SLC4A3: variants seen among roughly 807,000 people sequenced by gnomAD.
The protein encoded by SLC4A3 is solute carrier family 4 member 3.
A neutral mutation model predicts 114.2 loss-of-function variants in SLC4A3; 47 were observed. The observed-to-expected ratio is 0.41, with a 90% CI of 0.33 to 0.52. The LOEUF (loss-of-function observed/expected upper bound fraction) is 0.52, where lower values mean the gene tolerates loss of function less well. Among genes scored for constraint, SLC4A3 ranks in the 20% least tolerant of loss-of-function variants. The pLI, the probability that SLC4A3 is intolerant of heterozygous loss-of-function variation, is 0.21. For synonymous variants in SLC4A3, 693 were observed against 710.3 expected (o/e 0.98, Z 0.39); for missense variants, 1,312 against 1,668.3 (o/e 0.79, Z 3.72).
At position 219,631,812 on chromosome 2, in the gene SLC4A3, A is replaced by G. The variant is rs1304772604; in HGVS notation, c.812-156A>G. On this transcript the variant is annotated intron_variant, in intron 6 of 22. Transcript: ENST00000358055. The surrounding 1 kb of genome is among the most constrained non-coding windows in gnomAD (Gnocchi z 6.3). ...TTTCTGAGCTTCAGTCTTCTTATCA[A>G]TGAAATGGCCACATGGGATTATGTG... Among the ~76,000 whole-genome samples the G allele has an allele frequency of 6.6e-6, 1 of 151,948 alleles. No homozygotes were observed. The highest frequency in any genetic ancestry group is 1.5e-5 in the Non-Finnish European group (1 of 67,966).
intron 8 of SLC4A3, among the ~76,000 whole-genome samples, 164 bp from the exon 9 acceptor site, chr2:219,632,710 C>T (rs1299011453): frequency 1.3e-5 from 2 of 152,204 alleles, no homozygotes; most frequent in Non-Finnish European, 2.9e-5. Context: ...CACGGCCCCT[C>T]TCTGACTGGC....
Position 219,631,403 on chromosome 2 carries a change from C to T in SLC4A3, c.812-565C>T, listed in dbSNP as rs1463179168. On this transcript the variant is annotated intron_variant, in intron 6 of 22. Transcript: ENST00000358055. This position sits in a 1 kb window ranked among gnomAD's most constrained non-coding sequence, Gnocchi z 6.3. Reference sequence around the variant, plus strand: ...TTGTGCTGGACTTTGAGGATGGTGACCTGTGGGAGTCCATCAGGGGCCAGC... The same window carrying T: ...TTGTGCTGGACTTTGAGGATGGTGATCTGTGGGAGTCCATCAGGGGCCAGC... 4.6e-6 allele frequency: 6 copies of T among 1,304,270 alleles called. No individual in the cohort carries two copies. In the South Asian group the frequency reaches 7.4e-5, roughly 16 times the overall value. The allele number at this position is 1,304,270 out of a possible 1,614,324, so 80.8% of individuals were successfully genotyped here. A position where few individuals can be genotyped will look rare whatever the true frequency, so the allele number is the denominator to read the frequency against.
Position 219,641,031 on chromosome 2 carries a change from C to A in SLC4A3, c.3621+69C>A. 1 of 1,432,560 alleles carries A rather than the reference C, an allele frequency of 7.0e-7. No individual in the cohort carries two copies. The highest frequency in any genetic ancestry group is 9.5e-7 in the Non-Finnish European group (1 of 1,047,736). The allele number at this position is 1,432,560 out of a possible 1,614,324, so 88.7% of individuals were successfully genotyped here. On this transcript the variant is annotated intron_variant, in intron 22 of 22. Coordinates refer to ENST00000358055, the MANE Select transcript of SLC4A3 (RefSeq NM_005070.4). The surrounding 1 kb of genome is among the most constrained non-coding windows in gnomAD (Gnocchi z 4.0). ...GCACTGGGTTCCAATCTCTGTTTGG[C>A]CACCCACTAGTTGTGTTAGTTGTGA...
Position 219,635,882 on chromosome 2 carries a change from G to T in SLC4A3, c.2182G>T (p.Gly728Trp). The T allele has an allele frequency of 1.3e-6, 2 of 1,516,280 alleles. No homozygotes were observed. The highest frequency in any genetic ancestry group is 1.8e-6 in the Non-Finnish European group (2 of 1,135,574). The allele number at this position is 1,516,280 out of a possible 1,614,324, so 93.9% of individuals were successfully genotyped here. A position where few individuals can be genotyped will look rare whatever the true frequency, so the allele number is the denominator to read the frequency against. Reference sequence around the variant, plus strand: ...CCTCAGCCCTGCCATCACCTTCGGGGGGCTGCTGGGTAAGGGACTGGGGCT... The same window carrying T: ...CCTCAGCCCTGCCATCACCTTCGGGTGGCTGCTGGGTAAGGGACTGGGGCT... ...AALSPAITFGGLLGEKTEGLM... is the reference protein window; with the variant it reads ...AALSPAITFGWLLGEKTEGLM... Residue 728 changes from glycine to tryptophan, a missense_variant, in exon 14 of 23, where the codon GGG becomes TGG. By Grantham distance (184) the Gly-to-Trp change is radical. This residue lies in a region of SLC4A3 where 771 missense variants were observed against 977.7 expected (regional missense o/e 0.79). Coordinates refer to ENST00000358055, the MANE Select transcript of SLC4A3 (RefSeq NM_005070.4).
At chr2:219,640,231 C>A (rs1013654616) in intron 20 of SLC4A3, among the ~76,000 whole-genome samples, 199 bp from the exon 21 acceptor site, 1 of 121,496 alleles carries the variant, frequency 8.2e-6, no homozygotes, top group Admixed American at 8.6e-5. Flanking sequence ...GTCTGCCCCC[C>A]CCCCCGCCCC....
intron 10 of SLC4A3, 119 bp downstream of exon 10, chr2:219,633,576 C>A: frequency 1.0e-6 from 1 of 977,222 alleles, no homozygotes; most frequent in Non-Finnish European, 1.4e-6. Context: ...TCATGCTGGG[C>A]ATTCGGGGAC....
Position 219,633,968 on chromosome 2 carries a change from T to C in SLC4A3, c.1550T>C (p.Val517Ala). 6.4e-7 allele frequency: 1 copy of C among 1,554,758 alleles called. No individual in the cohort carries two copies. Among genetic ancestry groups the C allele is most frequent in the Non-Finnish European group, 8.7e-7 (1 of 1,148,546 alleles). The change falls in exon 11 of 23, where the codon GTT becomes GCT. Residue 517 changes from valine to alanine, a missense_variant. Coordinates refer to ENST00000358055, the MANE Select transcript of SLC4A3 (RefSeq NM_005070.4). ...ATCCCTGAAGATGCTGAGGCCACGG[T>C]TGTGCTTGTGGGTGAGGAGGGCCGG... ...EKIPEDAEAT[V>A]VLVGCVPFLE...
chr2:219,628,765 A>G lies in SLC4A3; in HGVS notation c.217+195A>G. 1.5e-6 allele frequency: 1 copy of G among 664,556 alleles called. No individual in the cohort carries two copies. The allele number at this position is 664,556 out of a possible 1,614,324, so 41.2% of individuals were successfully genotyped here. A position where few individuals can be genotyped will look rare whatever the true frequency, so the allele number is the denominator to read the frequency against. ...CCATCGCCTGTCCGCCTGCCTGGGG[A>G]GGTGGGCCCCAGACCAGGGGAGATC... On this transcript the variant is annotated intron_variant, in intron 3 of 22. Transcript: ENST00000358055. This position sits in a 1 kb window ranked among gnomAD's most constrained non-coding sequence, Gnocchi z 4.8.
Position 219,641,816 on chromosome 2 carries a change from C to A in SLC4A3, c.*88C>A. ...CAGAGCCCAGCCCTGGGCTGGGGGG[C>A]TCCTCAGGACCCAGAGATGTGCCTG... On this transcript the variant is annotated 3_prime_UTR_variant, in exon 23 of 23. Coordinates refer to ENST00000358055, the MANE Select transcript of SLC4A3 (RefSeq NM_005070.4). The surrounding 1 kb of genome is among the most constrained non-coding windows in gnomAD (Gnocchi z 4.0). 1.9e-6 allele frequency: 2 copies of A among 1,070,750 alleles called. No individual in the cohort carries two copies. The highest frequency in any genetic ancestry group is 2.9e-6 in the Non-Finnish European group (2 of 700,796). 66.3% of individuals were successfully genotyped at this position (1,070,750 alleles called of 1,614,324 possible).
chr2:219,628,598 G>GC lies in SLC4A3; in HGVS notation c.217+30dup, dbSNP rs745610797. On this transcript the variant is annotated intron_variant, in intron 3 of 22. Coordinates refer to ENST00000358055, the MANE Select transcript of SLC4A3 (RefSeq NM_005070.4). This position sits in a 1 kb window ranked among gnomAD's most constrained non-coding sequence, Gnocchi z 4.8. ...GGGTAGCCTGGGGACCCCTAGTGCG[G>GC]CCGCCCTCGCCACCATCACCTTCAT... is the stretch of plus-strand genomic sequence containing the variant. The GC allele has an allele frequency of 6.2e-7, 1 of 1,605,858 alleles. No individual in the cohort carries two copies. The highest frequency in any genetic ancestry group is 8.5e-7 in the Non-Finnish European group (1 of 1,177,044).
Position 219,639,658 on chromosome 2 carries a change from T to C in SLC4A3, c.3200T>C (p.Ile1067Thr). ...GCGTTGACAGTGATGCGTACTGCCATCGCGCCTGGTGACAAGCCCCAGATC... is the reference window on the plus strand; with the variant it reads ...GCGTTGACAGTGATGCGTACTGCCACCGCGCCTGGTGACAAGCCCCAGATC... ...VNALTVMRTA[I>T]APGDKPQIQE... Residue 1067 changes from isoleucine to threonine, a missense_variant, in exon 20 of 23, where the codon ATC becomes ACC. Transcript: ENST00000358055. This position sits in a 1 kb window ranked among gnomAD's most constrained non-coding sequence, Gnocchi z 5.9. The C allele has an allele frequency of 6.2e-7, 1 of 1,613,246 alleles. No individual in the cohort carries two copies. The highest frequency in any genetic ancestry group is 8.5e-7 in the Non-Finnish European group (1 of 1,180,020).
chr2:219,630,931 T>G lies in SLC4A3; in HGVS notation c.811+579T>G. The stretch of plus-strand genomic sequence containing the variant: ...TCCGAGCCACAGTGTGTGGGTGGGG[T>G]GGGGGGAAGGGTAGGGCTTTGAGCT... On this transcript the variant is annotated intron_variant, in intron 6 of 22. Transcript: ENST00000358055. This position sits in a 1 kb window ranked among gnomAD's most constrained non-coding sequence, Gnocchi z 6.9. The G allele has an allele frequency of 4.5e-5, 7 of 157,288 alleles. No individual in the cohort carries two copies. The highest frequency in any genetic ancestry group is 7.8e-5 in the Non-Finnish European group (6 of 77,188). 9.7% of individuals were successfully genotyped at this position (157,288 alleles called of 1,614,324 possible). A position where few individuals can be genotyped will look rare whatever the true frequency, so the allele number is the denominator to read the frequency against.
rs1698782238 is a variant in SLC4A3, at chr2:219,628,111, A to G, written c.51+68A>G. 2.3e-6 allele frequency: 3 copies of G among 1,316,546 alleles called. No individual in the cohort carries two copies. The South Asian group carries it at 4.5e-5, about 20-fold the overall frequency. 81.6% of individuals were successfully genotyped at this position (1,316,546 alleles called of 1,614,324 possible). The stretch of plus-strand genomic sequence containing the variant: ...AGGGGAGGGACCTTAGGGTGGGCAG[A>G]GGAGTCCTCTGGCCGACCCCGGGAC... On this transcript the variant is annotated intron_variant, in intron 2 of 22. Coordinates refer to ENST00000358055, the MANE Select transcript of SLC4A3 (RefSeq NM_005070.4). The surrounding 1 kb of genome is among the most constrained non-coding windows in gnomAD (Gnocchi z 4.8).
In SLC4A3 at chr2:219,630,469, C is replaced by T. The variant is rs1449728055; in HGVS notation, c.811+117C>T. On this transcript the variant is annotated intron_variant, in intron 6 of 22. Transcript: ENST00000358055. The surrounding 1 kb of genome is among the most constrained non-coding windows in gnomAD (Gnocchi z 6.9). ...TAAGGGCTGAGTCCTCTCTGAATCCCTGTCTGCTGGGATGTGGCCAGTGAT... is the reference window on the plus strand; with the variant it reads ...TAAGGGCTGAGTCCTCTCTGAATCCTTGTCTGCTGGGATGTGGCCAGTGAT... The T allele has an allele frequency of 7.0e-6, 8 of 1,144,756 alleles. No individual in the cohort carries two copies. The African/African-American group carries it at 1.2e-4, about 18-fold the overall frequency. The allele number at this position is 1,144,756 out of a possible 1,614,324, so 70.9% of individuals were successfully genotyped here.
Position 219,628,855 on chromosome 2 carries a change from C to T in SLC4A3, c.217+285C>T. 1.7e-6 allele frequency: 1 copy of T among 582,426 alleles called. No individual in the cohort carries two copies. The allele number at this position is 582,426 out of a possible 1,614,324, so 36.1% of individuals were successfully genotyped here. On this transcript the variant is annotated intron_variant, in intron 3 of 22. Coordinates refer to ENST00000358055, the MANE Select transcript of SLC4A3 (RefSeq NM_005070.4). This position sits in a 1 kb window ranked among gnomAD's most constrained non-coding sequence, Gnocchi z 4.8. Reference sequence around the variant, plus strand: ...CTTCCCCTTCGTCCCCACTCACTCCCTCCTTGTCCCACCTCGGCTAGTCCA... The same window carrying T: ...CTTCCCCTTCGTCCCCACTCACTCCTTCCTTGTCCCACCTCGGCTAGTCCA...
At position 219,637,193 on chromosome 2, in the gene SLC4A3, A is replaced by AGTGT. The variant is rs71688224; in HGVS notation, c.2535+333_2535+336dup. ...GTCCTTGGGTCACCTTTTGTAGAGG[A>AGTGT]GTGTGTGTGTGTGTGTGGGTGTGGG... On this transcript the variant is annotated intron_variant, in intron 16 of 22. Transcript: ENST00000358055. The surrounding 1 kb of genome is among the most constrained non-coding windows in gnomAD (Gnocchi z 4.6). 1.2e-3 allele frequency among the ~76,000 whole-genome samples: 175 copies of AGTGT among 147,940 alleles called. 1 individual carries two copies. The highest frequency in any genetic ancestry group is 4.0e-3 in the African/African-American group (161 of 40,016).
Position 219,639,489 on chromosome 2 carries a change from G to T in SLC4A3, c.3031G>T (p.Val1011Phe), listed in dbSNP as rs201131186. ...FMETQITALI[V>F]SQKARRLLKG... ...CCCACCTTCTCCCTGCAGGCTTATCGTCAGCCAGAAGGCGCGGAGGCTGCT... is the reference window on the plus strand; with the variant it reads ...CCCACCTTCTCCCTGCAGGCTTATCTTCAGCCAGAAGGCGCGGAGGCTGCT... Residue 1011 changes from valine to phenylalanine, a missense_variant, in exon 20 of 23, where the codon GTC becomes TTC. By Grantham distance (50) the Val-to-Phe change is conservative. Around this residue, in one of 4 missense-constraint regions of SLC4A3, gnomAD observed 301 missense variants for 460.7 expected, o/e 0.65. Coordinates refer to ENST00000358055, the MANE Select transcript of SLC4A3 (RefSeq NM_005070.4). The surrounding 1 kb of genome is among the most constrained non-coding windows in gnomAD (Gnocchi z 5.9). The T allele has an allele frequency of 6.2e-7, 1 of 1,612,786 alleles. No homozygotes were observed. Among genetic ancestry groups the T allele is most frequent in the Non-Finnish European group, 8.5e-7 (1 of 1,179,612 alleles).
chr2:219,627,929 C>T lies in SLC4A3; in HGVS notation c.-64C>T, dbSNP rs1332104529. 26 of 1,439,390 alleles carry T rather than the reference C, an allele frequency of 1.8e-5. No homozygotes were observed. The highest frequency in any genetic ancestry group is 2.3e-5 in the Non-Finnish European group (24 of 1,038,740). The allele number at this position is 1,439,390 out of a possible 1,614,324, so 89.2% of individuals were successfully genotyped here. A position where few individuals can be genotyped will look rare whatever the true frequency, so the allele number is the denominator to read the frequency against. On this transcript the variant is annotated 5_prime_UTR_variant, in exon 2 of 23. Coordinates refer to ENST00000358055, the MANE Select transcript of SLC4A3 (RefSeq NM_005070.4). ...CCCCGCTAGGCCCCCTCAGTGGCCC[C>T]TCCTTCTCACCTGGGTCTCGGGTCC...
rs1699300333 is a variant in SLC4A3, at chr2:219,640,774, T to C, written c.3448-15T>C. ...CGGGACGCTGTGCACTGGGGCCCAC[T>C]GGCTGCTCCCCTAGGTGAAGACGTG... On this transcript the variant is annotated splice_polypyrimidine_tract_variant and intron_variant, in intron 21 of 22. Transcript: ENST00000358055. 1 of 1,607,794 alleles carries C rather than the reference T, an allele frequency of 6.2e-7. No individual in the cohort carries two copies. Among genetic ancestry groups the C allele is most frequent in the Non-Finnish European group, 8.5e-7 (1 of 1,177,018 alleles).
Sources: allele counts gnomAD v4.1 joint callset (sites outside exome capture counted in the v4.1 genomes callset), GRCh38; gene constraint gnomAD v4.1.1; regional missense constraint gnomAD v4.1.1; non-coding constraint Gnocchi (gnomAD v3.1); transcripts MANE v1.5; gene names NCBI Gene and HGNC (gene_info 2026-07-23, HGNC 2026-07-21).